MYO16: variants seen among roughly 807,000 people sequenced by gnomAD.
MYO16 encodes the protein myosin XVI.
In MYO16, 94 loss-of-function variants were observed where a neutral mutation model predicts 205.3. That is an observed-to-expected ratio of 0.46 (90% CI 0.39 to 0.54). The LOEUF (loss-of-function observed/expected upper bound fraction) is 0.54, where lower values mean the gene tolerates loss of function less well. MYO16 is among the 20% of genes least tolerant of loss of function. The pLI is 0.00. For synonymous variants in MYO16, 988 were observed against 954.0 expected (o/e 1.04, Z -0.66); for missense variants, 2,315 against 2,387.5 (o/e 0.97, Z 0.63).
At chr13:108,538,600 T>C in the MYO16 span, among the ~76,000 whole-genome samples, 1 of 152,064 alleles carries the variant, frequency 6.6e-6, no homozygotes, top group African/African-American at 2.4e-5. Context: ...GAGGAACCTA[T>C]GGGTGATTTT....
chr13:108,919,438 G>A (rs939463394), intron 16 of MYO16, among the ~76,000 whole-genome samples: 6 of 152,206 alleles, frequency 3.9e-5, no homozygotes, highest in Non-Finnish European at 7.3e-5. Context: ...GCTTGATGAC[G>A]CAAGGCGACA....
chr13:109,113,703 G>T (rs1875523461), intron 28 of MYO16, among the ~76,000 whole-genome samples: 3 of 152,106 alleles, frequency 2.0e-5, no homozygotes, highest in East Asian at 1.9e-4. Context: ...GGGTGATGAG[G>T]TGATGACGAC....
chr13:109,004,811 C>A (rs1885336791), intron 21 of MYO16, among the ~76,000 whole-genome samples: 1 of 152,196 alleles, frequency 6.6e-6, no homozygotes, highest in Non-Finnish European at 1.5e-5. Flanking sequence ...TGCCACTCCT[C>A]CCTCTGCCAG....
At chr13:108,999,186 G>C (rs1055887187) in intron 21 of MYO16, among the ~76,000 whole-genome samples, 3 of 152,114 alleles carry the variant, frequency 2.0e-5, no homozygotes, top group Non-Finnish European at 2.9e-5. Context: ...ATAGCTATTA[G>C]ATATCAATAT....
At chr13:108,509,411 A>T in the MYO16 span, among the ~76,000 whole-genome samples, 1 of 152,260 alleles carries the variant, frequency 6.6e-6, no homozygotes, top group Non-Finnish European at 1.5e-5. Context: ...TACTCTATGG[A>T]AAGCTACACT....
intron 23 of MYO16, among the ~76,000 whole-genome samples, chr13:109,043,831 A>G (rs552395082): frequency 6.6e-6 from 1 of 152,302 alleles, no homozygotes; most frequent in South Asian, 2.1e-4. Flanking sequence ...AGGACGAATG[A>G]ATGATTCAGA....
In MYO16 at chr13:108,785,697, A is replaced by G. The variant is rs752378089; in HGVS notation, c.570A>G (p.Glu190=). Residue 190 remains glutamate, a synonymous_variant, in exon 5 of 35, where the codon GAA becomes GAG. Transcript: ENST00000457511. ...NGNIPLDYAV[E]GTESSSILLT... ...ATATCCCATTAGATTATGCTGTAGAAGGGACAGAATCCAGCTCTATCCTGT... is the reference window on the plus strand; with the variant it reads ...ATATCCCATTAGATTATGCTGTAGAGGGGACAGAATCCAGCTCTATCCTGT... The G allele has an allele frequency of 1.2e-6, 2 of 1,613,786 alleles. No homozygotes were observed. Among genetic ancestry groups the G allele is most frequent in the South Asian group, 1.1e-5 (1 of 91,008 alleles).
chr13:108,966,361 C>A (rs1238544281), intron 20 of MYO16, among the ~76,000 whole-genome samples: 1 of 152,138 alleles, frequency 6.6e-6, no homozygotes, highest in Non-Finnish European at 1.5e-5. Flanking sequence ...ATAAGTCCAG[C>A]TGTACATAGA....
chr13:109,195,401 A>G lies in MYO16; in HGVS notation c.5416-11208A>G, dbSNP rs139071576. ...CACCACAAGTGCTATTTTGACTTTC[A>G]GATATTTTTCTTGGTTCTTTAGAAG... On this transcript the variant is annotated intron_variant, in intron 34 of 34. Transcript: ENST00000457511. Among the ~76,000 whole-genome samples, 3 of 152,284 alleles carry G rather than the reference A, an allele frequency of 2.0e-5. No individual in the cohort carries two copies. The East Asian group carries it at 5.8e-4, about 29-fold the overall frequency.
chr13:108,634,470 T>A (rs1880132693), intron 1 of MYO16, among the ~76,000 whole-genome samples: 1 of 152,100 alleles, frequency 6.6e-6, no homozygotes, highest in Non-Finnish European at 1.5e-5. Flanking sequence ...CATCTTCCAA[T>A]TAAGCAAAAG....
Position 109,127,155 on chromosome 13 carries a change from G to C in MYO16, c.3783-127G>C. The C allele has an allele frequency of 7.9e-7, 1 of 1,259,390 alleles. No individual in the cohort carries two copies. The allele number at this position is 1,259,390 out of a possible 1,614,324, so 78.0% of individuals were successfully genotyped here. On this transcript the variant is annotated intron_variant, in intron 30 of 34. Transcript: ENST00000457511. This position sits in a 1 kb window ranked among gnomAD's most constrained non-coding sequence, Gnocchi z 4.2. ...ACCAGAGGGCTGCACACGTCCTCCAGCCACAGCAGGAAGGGCTGCTTGCCA... is the reference window on the plus strand; with the variant it reads ...ACCAGAGGGCTGCACACGTCCTCCACCCACAGCAGGAAGGGCTGCTTGCCA...
intron 1 of MYO16, among the ~76,000 whole-genome samples, chr13:108,616,060 T>G (rs894017123): frequency 2.6e-5 from 4 of 152,216 alleles, no homozygotes; most frequent in African/African-American, 9.6e-5. Flanking sequence ...TATGTTTACA[T>G]GTGGCTGATG....
intron 34 of MYO16, among the ~76,000 whole-genome samples, chr13:109,204,230 G>T (rs970163872): frequency 2.0e-5 from 3 of 152,146 alleles, no homozygotes; most frequent in Admixed American, 6.5e-5. Context: ...TGAATATGAA[G>T]TTGTGTCATT....
Position 108,776,281 on chromosome 13 carries a change from G to A in MYO16, c.508-9354G>A, listed in dbSNP as rs145589980. On this transcript the variant is annotated intron_variant, in intron 4 of 34. Transcript: ENST00000457511. ...CACATAGCATGAATTGGGAAGTCAGGGGCATCCAGAAAAAAGCATGGGAAA... is the reference window on the plus strand; with the variant it reads ...CACATAGCATGAATTGGGAAGTCAGAGGCATCCAGAAAAAAGCATGGGAAA... Among the ~76,000 whole-genome samples, 308 of 152,198 alleles carry A rather than the reference G, an allele frequency of 2.0e-3. 1 individual carries two copies. The highest frequency in any genetic ancestry group is 3.5e-3 in the Admixed American group (54 of 15,280).
intron 9 of MYO16, among the ~76,000 whole-genome samples, chr13:108,832,421 C>A (rs1274863151): frequency 6.6e-6 from 1 of 151,818 alleles, no homozygotes; most frequent in African/African-American, 2.4e-5. Context: ...GGATTACAGG[C>A]GTGAGCCACC....
intron 7 of MYO16, among the ~76,000 whole-genome samples, chr13:108,811,107 A>G (rs1887277974): frequency 6.6e-6 from 1 of 152,178 alleles, no homozygotes; most frequent in African/African-American, 2.4e-5. Flanking sequence ...ACTACACCCA[A>G]AGATAAAAAA....
intron 28 of MYO16, among the ~76,000 whole-genome samples, chr13:109,118,898 A>G (rs1875851450): frequency 6.6e-6 from 1 of 152,220 alleles, no homozygotes; most frequent in African/African-American, 2.4e-5. Context: ...TCAAATTTCA[A>G]CCAACTAAAA....
At chr13:108,704,186 G>A (rs1439706723) in intron 2 of MYO16, among the ~76,000 whole-genome samples, 1 of 152,080 alleles carries the variant, frequency 6.6e-6, no homozygotes, top group East Asian at 1.9e-4. Flanking sequence ...GATAGCCCTA[G>A]CAAACTACTA....
chr13:108,988,977 C>T (rs1884731179), intron 20 of MYO16, among the ~76,000 whole-genome samples: 1 of 152,166 alleles, frequency 6.6e-6, no homozygotes, highest in South Asian at 2.1e-4. Context: ...TTTCTCCTAC[C>T]ACGATGGGGC....
Sources: allele counts gnomAD v4.1 joint callset (sites outside exome capture counted in the v4.1 genomes callset), GRCh38; gene constraint gnomAD v4.1.1; non-coding constraint Gnocchi (gnomAD v3.1); transcripts MANE v1.5; gene names NCBI Gene and HGNC (gene_info 2026-07-23, HGNC 2026-07-21).